The following PDE4D variants were observed in gnomAD, a reference collection of about 807,000 sequenced individuals.
PDE4D encodes the protein 3',5'-cyclic-AMP phosphodiesterase 4D.
Under a neutral mutation model 87.4 loss-of-function variants are expected in PDE4D, and 24 were observed. The ratio of observed to expected loss-of-function variants is 0.27; its 90% CI spans 0.20 to 0.39. The LOEUF is 0.39. PDE4D is among the 10% of genes least tolerant of loss of function. PDE4D has a pLI of 1.00. For missense variants in PDE4D, 714 were observed against 1,041.0 expected (o/e 0.69, Z 4.32); for synonymous variants, 384 against 383.2 (o/e 1.00, Z -0.02).
At chr5:59,896,311 T>C (rs1439567538), upstream of PDE4D, among the ~76,000 whole-genome samples, 2 of 152,036 alleles carry the variant, frequency 1.3e-5, no homozygotes, top group South Asian at 2.1e-4. Flanking sequence ...CTAAATATCA[T>C]GTTAATCAGC....
intron 3 of PDE4D, among the ~76,000 whole-genome samples, chr5:59,936,975 A>C (rs1756658273): frequency 6.6e-6 from 1 of 152,212 alleles, no homozygotes; most frequent in Admixed American, 6.5e-5. Flanking sequence ...CTCTTACTTA[A>C]TGCAAAAGAG....
intron 5 of PDE4D, among the ~76,000 whole-genome samples, chr5:59,166,704 GC>G: frequency 1.3e-5 from 2 of 152,302 alleles, no homozygotes; most frequent in East Asian, 1.9e-4. Context: ...TCTGGAGTTA[GC>G]CCCATCTAAG....
At chr5:60,006,420 C>T (rs1198865872) in intron 2 of PDE4D, among the ~76,000 whole-genome samples, 1 of 151,596 alleles carries the variant, frequency 6.6e-6, no homozygotes, top group Non-Finnish European at 1.5e-5. Context: ...AAATAAGGTG[C>T]TGTGCAAAAA....
At chr5:59,303,448 G>A (rs534555141) in intron 1 of PDE4D, among the ~76,000 whole-genome samples, 1 of 152,196 alleles carries the variant, frequency 6.6e-6, no homozygotes, top group East Asian at 1.9e-4. Context: ...TGGGTTCTTG[G>A]TCATGAAATC....
intron 1 of PDE4D, among the ~76,000 whole-genome samples, chr5:59,845,763 C>T (rs946652235): frequency 2.0e-5 from 3 of 152,030 alleles, no homozygotes; most frequent in African/African-American, 4.8e-5. Context: ...ATACAATTTA[C>T]GGCCTTGTCA....
Position 60,443,489 on chromosome 5 carries a change from G to C in PDE4D, c.-90+44453C>G, listed in dbSNP as rs76175056. On this transcript the variant is annotated intron_variant, in intron 1 of 16. Coordinates refer to the PDE4D transcript ENST00000502484. The stretch of plus-strand genomic sequence containing the variant: ...AAGAGAAAGCACACTTAAATGAGGA[G>C]GTTCTTTTTCCCCAGGGTAGAGAAA... 4.6e-3 allele frequency among the ~76,000 whole-genome samples: 695 copies of C among 152,232 alleles called. 5 individuals are homozygous for C. Among genetic ancestry groups the C allele is most frequent in the African/African-American group, 0.016 (674 of 41,556 alleles).
intron 1 of PDE4D, among the ~76,000 whole-genome samples, chr5:60,333,714 TG>T (rs1250178652): frequency 6.6e-6 from 1 of 152,220 alleles, no homozygotes; most frequent in Non-Finnish European, 1.5e-5. Context: ...ATGCATTATG[TG>T]TGAGCTGCAT....
intron 1 of PDE4D, among the ~76,000 whole-genome samples, chr5:59,581,718 T>C (rs1339958693): frequency 6.6e-6 from 1 of 152,216 alleles, no homozygotes; most frequent in African/African-American, 2.4e-5. Context: ...AATCGAATTA[T>C]TTTTAAAAAC....
chr5:60,356,024 A>C (rs530810252), intron 1 of PDE4D, among the ~76,000 whole-genome samples: 35 of 152,288 alleles, frequency 2.3e-4, no homozygotes, highest in African/African-American at 8.2e-4. Context: ...GAGGAATTTG[A>C]AAATAAGTTC....
At chr5:60,301,966 G>A (rs1753942038) in intron 1 of PDE4D, among the ~76,000 whole-genome samples, 1 of 152,116 alleles carries the variant, frequency 6.6e-6, no homozygotes, top group African/African-American at 2.4e-5. Flanking sequence ...TTTATAGGAT[G>A]AATAATATTT....
chr5:59,150,967 A>G (rs533909183), intron 5 of PDE4D, among the ~76,000 whole-genome samples: 1 of 152,212 alleles, frequency 6.6e-6, no homozygotes, highest in Non-Finnish European at 1.5e-5. Context: ...GACCAGATAT[A>G]TAAATAAACA....
chr5:59,670,248 A>C (rs952377928), intron 1 of PDE4D, among the ~76,000 whole-genome samples: 1 of 152,232 alleles, frequency 6.6e-6, no homozygotes, highest in African/African-American at 2.4e-5. Flanking sequence ...AGCCTGACAC[A>C]CAAGTACTCT....
chr5:59,153,567 G>A (rs1748551715), intron 5 of PDE4D, among the ~76,000 whole-genome samples: 1 of 152,088 alleles, frequency 6.6e-6, no homozygotes, highest in South Asian at 2.1e-4. Flanking sequence ...ACTGTTCCAT[G>A]TTTTGCTCTT....
intron 1 of PDE4D, among the ~76,000 whole-genome samples, chr5:60,211,474 T>C (rs1014386698): frequency 3.0e-4 from 45 of 149,772 alleles, no homozygotes; most frequent in Admixed American, 1.9e-3. Flanking sequence ...GTAGGGAATA[T>C]ATATATGTAT....
intron 3 of PDE4D, among the ~76,000 whole-genome samples, chr5:59,919,309 C>T (rs1231334695): frequency 6.6e-6 from 1 of 152,142 alleles, no homozygotes; most frequent in Non-Finnish European, 1.5e-5. Context: ...GAAATATTCT[C>T]AGCTCAAGAA....
At position 59,860,244 on chromosome 5, in the gene PDE4D, C is replaced by T. The variant is rs554819878; in HGVS notation, c.455+32924G>A. On this transcript the variant is annotated intron_variant, in intron 1 of 14. Transcript: ENST00000340635. Reference sequence around the variant, plus strand: ...AGCCTGGGGCCCATGGAGATGGATGCTGTGAAGTAGATGGATGCATAAACT... The same window carrying T: ...AGCCTGGGGCCCATGGAGATGGATGTTGTGAAGTAGATGGATGCATAAACT... Among the ~76,000 whole-genome samples, 8 of 152,184 alleles carry T rather than the reference C, an allele frequency of 5.3e-5. No individual in the cohort carries two copies. In the South Asian group the frequency reaches 1.7e-3, roughly 32 times the overall value.
intron 2 of PDE4D, among the ~76,000 whole-genome samples, chr5:60,052,783 G>A (rs761405158): frequency 3.9e-5 from 6 of 152,182 alleles, no homozygotes; most frequent in African/African-American, 4.8e-5. Context: ...CATATATTTA[G>A]AAAACCCCAT....
At chr5:59,930,993 A>G (rs1426816187) in intron 3 of PDE4D, among the ~76,000 whole-genome samples, 1 of 152,142 alleles carries the variant, frequency 6.6e-6, no homozygotes, top group Non-Finnish European at 1.5e-5. Context: ...AAGATTTCTA[A>G]TATTCTGGGG....
chr5:59,180,462 A>C (rs1741258065), intron 5 of PDE4D, 133 bp downstream of exon 5: 1 of 770,444 alleles, frequency 1.3e-6, no homozygotes, highest in Non-Finnish European at 2.3e-6. Context: ...GATAGAAATG[A>C]TAATGTAGAG....
Sources: gnomAD v4.1 joint callset for allele counts (sites outside exome capture counted in the v4.1 genomes callset) on GRCh38, gnomAD v4.1.1 for gene constraint, MANE v1.5 for transcripts, NCBI Gene and HGNC (gene_info 2026-07-23, HGNC 2026-07-21) for gene names.